Variants in ABI3BP observed in about 807,000 individuals in gnomAD.
ABI3BP encodes the protein ABI family member 3 binding protein.
In ABI3BP, 216 loss-of-function variants were observed where a neutral mutation model predicts 268.6. The ratio of observed to expected loss-of-function variants is 0.80; its 90% CI spans 0.72 to 0.90. The LOEUF is 0.90. Ranked by LOEUF, ABI3BP falls within the 40% of genes least tolerant of loss-of-function variation. The pLI is 0.00. For missense variants in ABI3BP, 2,090 were observed against 2,182.4 expected (o/e 0.96, Z 0.84); for synonymous variants, 730 against 730.0 (o/e 1.00, Z 0.00).
rs528338221 is a variant in ABI3BP, at chr3:100,851,110, A to G, written c.1352-376T>C. ...CTTTATTTACCATGACACAAATAATATTATACATACAAAAAATATCAGACA... is the reference window on the plus strand; with the variant it reads ...CTTTATTTACCATGACACAAATAATGTTATACATACAAAAAATATCAGACA... On this transcript the variant is annotated intron_variant, in intron 15 of 67. Coordinates refer to ENST00000471714, the MANE Select transcript of ABI3BP (RefSeq NM_001375547.2). 2.6e-5 allele frequency among the ~76,000 whole-genome samples: 4 copies of G among 152,330 alleles called. No homozygotes were observed. In the South Asian group the frequency reaches 8.3e-4, roughly 32 times the overall value.
At chr3:100,844,714 A>C (rs2098747736) in intron 20 of ABI3BP, among the ~76,000 whole-genome samples, 1 of 151,710 alleles carries the variant, frequency 6.6e-6, no homozygotes, top group Non-Finnish European at 1.5e-5. Context: ...TGGACCATTC[A>C]AGGTCCATTT....
At chr3:100,797,403 C>A (rs1293067072) in intron 51 of ABI3BP, among the ~76,000 whole-genome samples, 1 of 151,916 alleles carries the variant, frequency 6.6e-6, no homozygotes. Flanking sequence ...CCTACCCAGG[C>A]CTACTCTCTC....
intron 59 of ABI3BP, among the ~76,000 whole-genome samples, chr3:100,776,677 A>C (rs1186601977): frequency 6.6e-6 from 1 of 152,170 alleles, no homozygotes; most frequent in Non-Finnish European, 1.5e-5. Flanking sequence ...CAGTGCAGCC[A>C]TTTCCCTTGA....
intron 6 of ABI3BP, among the ~76,000 whole-genome samples, chr3:100,879,483 T>C (rs2099203549): frequency 6.6e-6 from 1 of 152,236 alleles, no homozygotes; most frequent in Non-Finnish European, 1.5e-5. Flanking sequence ...CAGAAAAGCC[T>C]ACATGTTGCT....
At chr3:100,978,462 GAATGACTCCCACT>G (rs1339637103) in intron 1 of ABI3BP, among the ~76,000 whole-genome samples, 1 of 152,134 alleles carries the variant, frequency 6.6e-6, no homozygotes, top group Non-Finnish European at 1.5e-5. Flanking sequence ...TACACAAGTG[GAATGACTCCCACT>G]AATAGCTCAT....
In ABI3BP at chr3:100,832,334, T is replaced by G; in HGVS notation, c.2331A>C (p.Thr777=). 1 of 1,517,596 alleles carries G rather than the reference T, an allele frequency of 6.6e-7. No homozygotes were observed. The allele number at this position is 1,517,596 out of a possible 1,614,324, so 94.0% of individuals were successfully genotyped here. ...TGGGATGTGGACGACGGGTTCTTTT[T>G]GTTGTTGTTGTTGGAGCTGAAGGAA... The part of the protein sequence containing the change: ...PGTSSAPTTT[T]KRTRRPHPKP... Residue 777 remains threonine, a synonymous_variant, in exon 31 of 68, where the codon ACA becomes ACC. Coordinates refer to ENST00000471714, the MANE Select transcript of ABI3BP (RefSeq NM_001375547.2).
chr3:100,853,995 G>T (rs1364450779), intron 14 of ABI3BP, among the ~76,000 whole-genome samples: 1 of 152,112 alleles, frequency 6.6e-6, no homozygotes, highest in Non-Finnish European at 1.5e-5. Context: ...TGTTTGGTCA[G>T]CTTTAAGCAG....
intron 1 of ABI3BP, among the ~76,000 whole-genome samples, chr3:100,990,345 T>G (rs2092715053): frequency 6.6e-6 from 1 of 152,076 alleles, no homozygotes; most frequent in Non-Finnish European, 1.5e-5. Flanking sequence ...TTAGTCCCAT[T>G]TTACCAATGA....
At chr3:100,947,883 G>A (rs1424213441) in intron 1 of ABI3BP, among the ~76,000 whole-genome samples, 2 of 152,134 alleles carry the variant, frequency 1.3e-5, no homozygotes, top group Non-Finnish European at 2.9e-5. Flanking sequence ...GGACTGAGGT[G>A]CCCAAACCTT....
chr3:100,955,201 C>T (rs1412902980), intron 1 of ABI3BP, among the ~76,000 whole-genome samples: 1 of 152,074 alleles, frequency 6.6e-6, no homozygotes, highest in Non-Finnish European at 1.5e-5. Flanking sequence ...AGTAAAAGAA[C>T]AGACTGGATC....
rs1172478778 is a variant in ABI3BP at position 100,862,911 on chromosome 3, T to C, written c.1139-2A>G. The stretch of plus-strand genomic sequence containing the variant: ...GAAATTCTGGAAGGCTTTTTGGAGC[T>C]GTAATGAAACACATAAAGAAAGTTA... On this transcript the variant is annotated splice_acceptor_variant, in intron 12 of 67. Coordinates refer to ENST00000471714, the MANE Select transcript of ABI3BP (RefSeq NM_001375547.2). LOFTEE classifies it high-confidence loss of function. 2 of 1,535,004 alleles carry C rather than the reference T, an allele frequency of 1.3e-6. No homozygotes were observed. Among genetic ancestry groups the C allele is most frequent in the East Asian group, 4.9e-5 (2 of 40,846 alleles).
intron 6 of ABI3BP, among the ~76,000 whole-genome samples, chr3:100,884,308 A>G (rs2040852137): frequency 6.6e-6 from 1 of 152,026 alleles, no homozygotes. Context: ...CAGGCCTAGG[A>G]ATTTACCTGC....
chr3:100,916,003 T>C (rs1370854456), intron 2 of ABI3BP, among the ~76,000 whole-genome samples: 1 of 152,218 alleles, frequency 6.6e-6, no homozygotes, highest in Non-Finnish European at 1.5e-5. Flanking sequence ...CTGTTAGGCA[T>C]TAAAATTGTT....
chr3:100,778,507 TA>T, intron 58 of ABI3BP, 131 bp from the exon 59 acceptor site: 2 of 755,928 alleles, frequency 2.6e-6, no homozygotes, highest in Non-Finnish European at 4.2e-6. Context: ...GAATAGATTC[TA>T]CAGAAAAGTG....
At chr3:100,786,283 A>G (rs886843814) in intron 57 of ABI3BP, among the ~76,000 whole-genome samples, 9 of 152,334 alleles carry the variant, frequency 5.9e-5, no homozygotes, top group African/African-American at 2.2e-4. Flanking sequence ...ATTTCTCCCA[A>G]CAATTGACAA....
chr3:100,806,924 G>C (rs1357081977), intron 50 of ABI3BP, among the ~76,000 whole-genome samples: 2 of 152,070 alleles, frequency 1.3e-5, no homozygotes, highest in East Asian at 3.8e-4. Flanking sequence ...ATTTTAGTAA[G>C]TACAAAGTAC....
rs998518514 is a variant in ABI3BP, at chr3:100,912,162, T to A, written c.260-9476A>T. Reference sequence around the variant, plus strand: ...GGTCAACACAAAGCCCAAGAACACCTGCTCTTACCCTTCGTGCTGCCGTCG... The same window carrying A: ...GGTCAACACAAAGCCCAAGAACACCAGCTCTTACCCTTCGTGCTGCCGTCG... On this transcript the variant is annotated intron_variant, in intron 2 of 67. Transcript: ENST00000471714. 18 of 401,502 alleles carry A rather than the reference T, an allele frequency of 4.5e-5. No homozygotes were observed. In the East Asian group the frequency reaches 9.3e-4, roughly 21 times the overall value. 24.9% of individuals were successfully genotyped at this position (401,502 alleles called of 1,614,324 possible). A position where few individuals can be genotyped will look rare whatever the true frequency, so the allele number is the denominator to read the frequency against.
In ABI3BP at chr3:100,810,473, C is replaced by A; in HGVS notation, c.3546G>T (p.Thr1182=). Residue 1182 remains threonine (T), a synonymous_variant, in exon 49 of 68, where the codon ACG becomes ACT. Transcript: ENST00000471714. Reference sequence around the variant, plus strand: ...TTATAGATTGAGAAGGCAGAGGCGACGTTTCTATGGTAATTGAAGGAAAGT... The same window carrying A: ...TTATAGATTGAGAAGGCAGAGGCGAAGTTTCTATGGTAATTGAAGGAAAGT... The part of the protein sequence containing the change: ...VSEPPETTLE[T]SPLPSQSITL... 2 of 1,534,538 alleles carry A rather than the reference C, an allele frequency of 1.3e-6. No homozygotes were observed. The highest frequency in any genetic ancestry group is 1.7e-6 in the Non-Finnish European group (2 of 1,145,828).
intron 2 of ABI3BP, chr3:100,911,749 G>C (rs915315175): frequency 6.4e-6 from 6 of 935,706 alleles, no homozygotes; most frequent in Non-Finnish European, 1.1e-5. Context: ...TGTTTCAGTC[G>C]ATGAGTAGCG....
Sources: allele counts gnomAD v4.1 joint callset (sites outside exome capture counted in the v4.1 genomes callset), GRCh38; gene constraint gnomAD v4.1.1; transcripts MANE v1.5; gene names NCBI Gene and HGNC (gene_info 2026-07-23, HGNC 2026-07-21).